The following TTBK2 variants were observed in gnomAD, a reference collection of about 807,000 sequenced individuals.
TTBK2 encodes tau-tubulin kinase 2.
Under a neutral mutation model 110.8 loss-of-function variants are expected in TTBK2, and 28 were observed. The observed-to-expected ratio is 0.25, with a 90% CI of 0.19 to 0.35. TTBK2 has a LOEUF of 0.35. TTBK2 is among the 10% of genes least tolerant of loss of function. The probability of loss-of-function intolerance (pLI) is 1.00; values close to 1 mark genes in which losing one functional copy is unlikely to be tolerated. For synonymous variants in TTBK2, 532 were observed against 527.3 expected, an observed-to-expected ratio of 1.01 and a Z score of -0.12; for missense variants, 1,369 against 1,500.3, an observed-to-expected ratio of 0.91 and a Z score of 1.45.
chr15:42,785,079 T>C (rs931113145), intron 10 of TTBK2, among the ~76,000 whole-genome samples: 1 of 152,098 alleles, frequency 6.6e-6, no homozygotes, highest in Non-Finnish European at 1.5e-5. Flanking sequence ...GTTATTTTTT[T>C]ACAGTGTGAA....
chr15:42,785,628 A>G (rs1890379216), intron 10 of TTBK2, among the ~76,000 whole-genome samples: 1 of 152,004 alleles, frequency 6.6e-6, no homozygotes, highest in African/African-American at 2.4e-5. Context: ...GGTCTTATTT[A>G]TATGGTTGGT....
Position 42,752,188 on chromosome 15 carries a change from G to C in TTBK2, c.3058C>G (p.Leu1020Val). The C allele has an allele frequency of 6.2e-7, 1 of 1,614,162 alleles. No homozygotes were observed. Among genetic ancestry groups the C allele is most frequent in the Non-Finnish European group, 8.5e-7 (1 of 1,180,006 alleles). Residue 1020 changes from leucine to valine, a missense_variant, in exon 14 of 15, where the codon CTC becomes GTC. Coordinates refer to ENST00000267890, the MANE Select transcript of TTBK2 (RefSeq NM_173500.4). ...VPAPFCEEEV[L>V]TPFSRLTVDS... ...ACTGTCAGTCTTGAAAAGGGAGTGA[G>C]CACTTCCTCCTCACAAAAGGGAGCA...
intron 5 of TTBK2, 109 bp from the exon 6 acceptor site, chr15:42,828,141 A>G (rs1180444399): frequency 5.0e-6 from 4 of 800,004 alleles, no homozygotes; most frequent in Non-Finnish European, 6.1e-6. Context: ...TATAACACAC[A>G]TGTTCCAAAT....
intron 4 of TTBK2, among the ~76,000 whole-genome samples, chr15:42,833,936 G>T (rs180741716): frequency 4.6e-5 from 7 of 152,166 alleles, no homozygotes; most frequent in Non-Finnish European, 8.8e-5. Flanking sequence ...ACTTAAACCC[G>T]GGAGGTGGAG....
rs187134990 is a variant in TTBK2 at position 42,917,262 on chromosome 15, A to G, written c.-68+3176T>C. Reference sequence around the variant, plus strand: ...AAAATCACAGGAAAAAAAATCCAAAATGTTCACAAAAGTTTGTAAGTACTA... The same window carrying G: ...AAAATCACAGGAAAAAAAATCCAAAGTGTTCACAAAAGTTTGTAAGTACTA... On this transcript the variant is annotated intron_variant, in intron 1 of 14. Transcript: ENST00000267890. Among the ~76,000 whole-genome samples the G allele has an allele frequency of 5.3e-5, 8 of 152,306 alleles. No homozygotes were observed. The East Asian group carries it at 1.5e-3, about 29-fold the overall frequency.
intron 7 of TTBK2, among the ~76,000 whole-genome samples, chr15:42,816,591 C>A (rs1892037663): frequency 6.6e-6 from 1 of 152,090 alleles, no homozygotes. Context: ...GACGAACATT[C>A]CAAGCAACTT....
In TTBK2 at chr15:42,738,945, A is replaced by G. The variant is rs1289301250; in HGVS notation, c.*6850T>C. 1 of 152,352 alleles carries G rather than the reference A, an allele frequency of 6.6e-6. No homozygotes were observed. Among genetic ancestry groups the G allele is most frequent in the Non-Finnish European group, 1.5e-5 (1 of 68,028 alleles). 9.4% of individuals were successfully genotyped at this position (152,352 alleles called of 1,614,324 possible). On this transcript the variant is annotated 3_prime_UTR_variant, in exon 15 of 15. Coordinates refer to ENST00000267890, the MANE Select transcript of TTBK2 (RefSeq NM_173500.4). ...TAGAAAAATATTTTCCACTTTTGAA[A>G]TCCAGACCATCACACAAACAGAACT...
intron 3 of TTBK2, among the ~76,000 whole-genome samples, chr15:42,870,302 G>A (rs915717229): frequency 1.3e-5 from 2 of 152,104 alleles, no homozygotes; most frequent in African/African-American, 4.8e-5. Flanking sequence ...CATGGGGGAA[G>A]GTCACTCAGA....
intron 14 of TTBK2, among the ~76,000 whole-genome samples, chr15:42,749,950 C>T (rs867065981): frequency 3.3e-5 from 5 of 152,074 alleles, no homozygotes; most frequent in Non-Finnish European, 5.9e-5. Flanking sequence ...GCTAGGTGTG[C>T]TGGCATGCAC....
chr15:42,750,795 G>A (rs2061855220), intron 14 of TTBK2, among the ~76,000 whole-genome samples: 1 of 152,118 alleles, frequency 6.6e-6, no homozygotes, highest in Non-Finnish European at 1.5e-5. Flanking sequence ...TGAACTCAGA[G>A]ACCCACAATG....
chr15:42,882,527 T>A (rs375201683), intron 1 of TTBK2, among the ~76,000 whole-genome samples: 1 of 151,900 alleles, frequency 6.6e-6, no homozygotes, highest in South Asian at 2.1e-4. Flanking sequence ...GGCAGAAGAA[T>A]CACTTGGACC....
At chr15:42,788,727 T>C (rs1161719173) in intron 10 of TTBK2, among the ~76,000 whole-genome samples, 1 of 152,214 alleles carries the variant, frequency 6.6e-6, no homozygotes, top group East Asian at 1.9e-4. Context: ...CTTTCTGATA[T>C]ATCTTTGTCC....
rs1454845504 is a variant in TTBK2 at position 42,852,104 on chromosome 15, C to CT, written c.218-11672dup. Among the ~76,000 whole-genome samples, 7 of 150,648 alleles carry CT rather than the reference C, an allele frequency of 4.6e-5. No individual in the cohort carries two copies. In the East Asian group the frequency reaches 1.4e-3, roughly 29 times the overall value. On this transcript the variant is annotated intron_variant, in intron 3 of 14. Coordinates refer to ENST00000267890, the MANE Select transcript of TTBK2 (RefSeq NM_173500.4). ...TTTTTTTTTTAGATGGAGTCTTACTCTGTCACCCAGGCGGGAGTGCAGTCA... is the reference window on the plus strand; with the variant it reads ...TTTTTTTTTTAGATGGAGTCTTACTCTTGTCACCCAGGCGGGAGTGCAGTCA...
chr15:42,770,027 TC>T (rs1207843852), intron 13 of TTBK2, among the ~76,000 whole-genome samples: 1 of 148,776 alleles, frequency 6.7e-6, no homozygotes, highest in Non-Finnish European at 1.5e-5. Context: ...CCACATGCTC[TC>T]ACTCATAGGT....
At chr15:42,762,543 C>A (rs2062044533) in intron 13 of TTBK2, among the ~76,000 whole-genome samples, 1 of 152,048 alleles carries the variant, frequency 6.6e-6, no homozygotes, top group African/African-American at 2.4e-5. Flanking sequence ...ATGGTGAAAC[C>A]CAGTCTCCAC....
chr15:42,857,742 T>C (rs2141070291), intron 3 of TTBK2, among the ~76,000 whole-genome samples: 1 of 152,242 alleles, frequency 6.6e-6, no homozygotes, highest in African/African-American at 2.4e-5. Flanking sequence ...ACAATTTTTT[T>C]TTTTGGCAAT....
At chr15:42,832,587 T>G (rs1225486031) in intron 4 of TTBK2, among the ~76,000 whole-genome samples, 3 of 152,236 alleles carry the variant, frequency 2.0e-5, no homozygotes, top group African/African-American at 7.2e-5. Context: ...ACTTTATCCA[T>G]GGTTTTACTT....
rs969106625 is a variant in TTBK2, at chr15:42,747,030, T to C, written c.3273-773A>G. Among the ~76,000 whole-genome samples the C allele has an allele frequency of 2.0e-5, 3 of 151,140 alleles. No individual in the cohort carries two copies. In the East Asian group the frequency reaches 5.9e-4, roughly 30 times the overall value. On this transcript the variant is annotated intron_variant, in intron 14 of 14. Transcript: ENST00000267890. ...CTCAGGCTGAAGTGCAGTGGGATGA[T>C]CACAGCTCACTGCAGTCTCGACCTC...
intron 4 of TTBK2, among the ~76,000 whole-genome samples, chr15:42,836,890 G>A (rs768391995): frequency 6.6e-6 from 1 of 152,122 alleles, no homozygotes; most frequent in Non-Finnish European, 1.5e-5. Context: ...AAACCTCCTT[G>A]AGACTCAGCT....
Sources: allele counts gnomAD v4.1 joint callset (sites outside exome capture counted in the v4.1 genomes callset), GRCh38; gene constraint gnomAD v4.1.1; transcripts MANE v1.5; gene names NCBI Gene and HGNC (gene_info 2026-07-23, HGNC 2026-07-21).